The following CSMD3 variants were observed in gnomAD, a reference collection of about 807,000 sequenced individuals.
CSMD3 encodes CUB and sushi domain-containing protein 3.
In CSMD3, 177 loss-of-function variants were observed where a neutral mutation model predicts 435.2. The ratio of observed to expected loss-of-function variants is 0.41; its 90% CI spans 0.36 to 0.46. The LOEUF is 0.46. CSMD3 is among the 20% of genes least tolerant of loss of function. The pLI is 0.34. For synonymous variants in CSMD3, 1,656 were observed against 1,520.5 expected (o/e 1.09, Z -2.07); for missense variants, 4,265 against 4,504.6 (o/e 0.95, Z 1.52).
At chr8:112,962,205 C>A (rs920496152) in intron 7 of CSMD3, among the ~76,000 whole-genome samples, 4 of 150,898 alleles carry the variant, frequency 2.7e-5, no homozygotes, top group Non-Finnish European at 5.9e-5. Context: ...AAGTGATTTT[C>A]TTTTCTTTTG....
chr8:113,049,576 C>A lies in CSMD3; in HGVS notation c.918-30397G>T, dbSNP rs2087996241. Among the ~76,000 whole-genome samples the A allele has an allele frequency of 2.0e-5, 3 of 151,984 alleles. No individual in the cohort carries two copies. The South Asian group carries it at 6.2e-4, about 32-fold the overall frequency. On this transcript the variant is annotated intron_variant, in intron 5 of 70. Transcript: ENST00000297405. ...AACATAAAATCACAGCAGACACACA[C>A]AAAAAAGCAGATCAATAAATATGAA...
chr8:112,739,786 TC>T (rs1380657861), intron 13 of CSMD3, among the ~76,000 whole-genome samples: 10 of 151,976 alleles, frequency 6.6e-5, no homozygotes, highest in Non-Finnish European at 1.2e-4. Context: ...TGGTGTTTTT[TC>T]TTACATAATA....
chr8:112,947,239 T>C (rs1009892810), intron 9 of CSMD3, among the ~76,000 whole-genome samples: 32 of 151,776 alleles, frequency 2.1e-4, no homozygotes, highest in African/African-American at 7.5e-4. Context: ...CAGTATACTA[T>C]GTAAATTCTC....
At chr8:113,062,293 C>T (rs1190036436) in intron 5 of CSMD3, among the ~76,000 whole-genome samples, 3 of 151,774 alleles carry the variant, frequency 2.0e-5, no homozygotes, top group African/African-American at 7.2e-5. Flanking sequence ...GTACTAAATA[C>T]AATTGATTCT....
chr8:112,951,910 A>T (rs1367871291), intron 8 of CSMD3, among the ~76,000 whole-genome samples: 2 of 146,718 alleles, frequency 1.4e-5, no homozygotes, highest in African/African-American at 5.0e-5. Flanking sequence ...ATTTGAAGAA[A>T]AAGAAAGAAA....
chr8:113,315,795 T>G (rs1341943517), intron 1 of CSMD3, among the ~76,000 whole-genome samples: 1 of 151,574 alleles, frequency 6.6e-6, no homozygotes, highest in Admixed American at 6.6e-5. Flanking sequence ...CTCAGCTCAC[T>G]GCAACCTCTG....
chr8:112,829,472 T>C (rs2079798219), intron 12 of CSMD3, among the ~76,000 whole-genome samples: 1 of 152,168 alleles, frequency 6.6e-6, no homozygotes, highest in South Asian at 2.1e-4. Flanking sequence ...GTTTACTGCA[T>C]GTTGTTAGAG....
intron 5 of CSMD3, among the ~76,000 whole-genome samples, chr8:113,031,907 A>G (rs1329750484): frequency 1.3e-5 from 2 of 151,522 alleles, no homozygotes; most frequent in Non-Finnish European, 3.0e-5. Context: ...TGCTCTCATG[A>G]TAGTGAGGGA....
chr8:112,428,893 T>A (rs953847297), intron 32 of CSMD3, among the ~76,000 whole-genome samples: 1 of 151,244 alleles, frequency 6.6e-6, no homozygotes, highest in Non-Finnish European at 1.5e-5. Flanking sequence ...TAGTTTTTTC[T>A]TTTTAATTAA....
intron 1 of CSMD3, among the ~76,000 whole-genome samples, chr8:113,395,481 CGTCTGTA>C (rs2094479342): frequency 1.3e-5 from 2 of 151,702 alleles, no homozygotes; most frequent in Admixed American, 1.3e-4. Context: ...TGGTGGCGGG[CGTCTGTA>C]GTCCCAGCTA....
rs759073440 is a variant in CSMD3 at position 112,685,398 on chromosome 8, A to C, written c.2482+8T>G. 6.2e-7 allele frequency: 1 copy of C among 1,604,272 alleles called. No homozygotes were observed. Among genetic ancestry groups the C allele is most frequent in the Non-Finnish European group, 8.5e-7 (1 of 1,171,372 alleles). ...TTATATGGGAAAAAAACAGAAACAG[A>C]AACTTACTGTTGTAAGTGATGTTAA... On this transcript the variant is annotated splice_region_variant and intron_variant, in intron 15 of 70. Coordinates refer to ENST00000297405, the MANE Select transcript of CSMD3 (RefSeq NM_198123.2).
intron 3 of CSMD3, among the ~76,000 whole-genome samples, chr8:113,189,785 G>A (rs1425069546): frequency 6.6e-6 from 1 of 151,722 alleles, no homozygotes; most frequent in Non-Finnish European, 1.5e-5. Context: ...TTTTCCTGTT[G>A]AAAAATCAGA....
intron 22 of CSMD3, among the ~76,000 whole-genome samples, chr8:112,595,258 G>C (rs1831585951): frequency 6.6e-6 from 1 of 151,800 alleles, no homozygotes; most frequent in South Asian, 2.1e-4. Context: ...TGGAAGAAAG[G>C]GTATCAGCAA....
At chr8:112,649,580 C>T (rs180999606) in intron 19 of CSMD3, among the ~76,000 whole-genome samples, 81 of 152,304 alleles carry the variant, frequency 5.3e-4, no homozygotes, top group Admixed American at 5.1e-3. Flanking sequence ...AAGCAGTTTC[C>T]TCCACTGGAT....
At chr8:112,338,176 G>A (rs1409925770) in intron 42 of CSMD3, among the ~76,000 whole-genome samples, 1 of 152,058 alleles carries the variant, frequency 6.6e-6, no homozygotes, top group Non-Finnish European at 1.5e-5. Context: ...TTTTTCTACA[G>A]ATCACAATAT....
At chr8:113,173,601 C>T (rs999470999) in intron 4 of CSMD3, 121 bp downstream of exon 4, 14 of 808,958 alleles carry the variant, frequency 1.7e-5, no homozygotes, top group East Asian at 5.3e-5. Flanking sequence ...GGATTACAGG[C>T]GTGAGTCACC....
At chr8:112,800,131 T>G in intron 13 of CSMD3, 31 bp downstream of exon 13, 1 of 1,374,624 alleles carries the variant, frequency 7.3e-7, no homozygotes, top group Non-Finnish European at 1.0e-6. Context: ...GGTATTAAGA[T>G]AACATTTCCT....
At chr8:113,158,260 C>G (rs1198847210) in intron 4 of CSMD3, among the ~76,000 whole-genome samples, 1 of 151,520 alleles carries the variant, frequency 6.6e-6, no homozygotes, top group Non-Finnish European at 1.5e-5. Context: ...GGAAGAAAGG[C>G]TGACATCACT....
At chr8:112,355,526 C>T (rs1178258657) in intron 38 of CSMD3, among the ~76,000 whole-genome samples, 1 of 152,048 alleles carries the variant, frequency 6.6e-6, no homozygotes, top group African/African-American at 2.4e-5. Context: ...AAGCAAAACA[C>T]AAATTCCCCA....
Sources: allele counts gnomAD v4.1 joint callset (sites outside exome capture counted in the v4.1 genomes callset), GRCh38; gene constraint gnomAD v4.1.1; transcripts MANE v1.5; gene names NCBI Gene and HGNC (gene_info 2026-07-23, HGNC 2026-07-21).